Variants in CCDC178 observed in about 807,000 individuals in gnomAD.
The protein encoded by CCDC178 is coiled-coil domain containing 178.
Under a neutral mutation model 117.4 loss-of-function variants are expected in CCDC178, and 126 were observed. That is an observed-to-expected ratio of 1.07 (90% CI 0.93 to 1.24). The LOEUF (loss-of-function observed/expected upper bound fraction) is 1.24, where lower values mean the gene tolerates loss of function less well. Among genes scored for constraint, CCDC178 ranks in the 50% most tolerant of loss-of-function variants. CCDC178 has a pLI of 0.00. For missense variants in CCDC178, 1,030 were observed against 986.9 expected (o/e 1.04, Z -0.59); for synonymous variants, 283 against 313.4 (o/e 0.90, Z 1.02).
chr18:33,360,932 G>T (rs2063116535), intron 6 of CCDC178, among the ~76,000 whole-genome samples: 1 of 151,494 alleles, frequency 6.6e-6, no homozygotes, highest in Non-Finnish European at 1.5e-5. Flanking sequence ...GCAATATATA[G>T]ATTTAATGCC....
chr18:33,063,087 T>C (rs2056953150), intron 21 of CCDC178, among the ~76,000 whole-genome samples: 1 of 151,894 alleles, frequency 6.6e-6, no homozygotes, highest in Non-Finnish European at 1.5e-5. Context: ...ACTTTCAGAG[T>C]TCCTGGAAAC....
intron 20 of CCDC178, among the ~76,000 whole-genome samples, chr18:33,105,735 T>C (rs370249068): frequency 2.6e-5 from 4 of 151,686 alleles, no homozygotes; most frequent in African/African-American, 7.2e-5. Flanking sequence ...AAAAGCATTT[T>C]ACTGTGTAAT....
chr18:33,226,183 C>T (rs1228275477), intron 16 of CCDC178, among the ~76,000 whole-genome samples: 2 of 151,948 alleles, frequency 1.3e-5, no homozygotes, highest in African/African-American at 2.4e-5. Context: ...CAGAAACCCA[C>T]CAACAAACAA....
At chr18:32,952,600 G>A (rs2054511222) in intron 22 of CCDC178, among the ~76,000 whole-genome samples, 1 of 152,152 alleles carries the variant, frequency 6.6e-6, no homozygotes, top group Non-Finnish European at 1.5e-5. Flanking sequence ...CCTGTGACGG[G>A]AGGGGCTGCT....
chr18:33,140,543 C>T (rs1419848694), intron 20 of CCDC178, among the ~76,000 whole-genome samples: 1 of 152,168 alleles, frequency 6.6e-6, no homozygotes, highest in South Asian at 2.1e-4. Flanking sequence ...TACTGCCCTG[C>T]TGAATTTCAG....
At chr18:33,401,428 C>T (rs1303832663) in intron 3 of CCDC178, among the ~76,000 whole-genome samples, 2 of 151,936 alleles carry the variant, frequency 1.3e-5, no homozygotes, top group African/African-American at 4.8e-5. Context: ...TGAAACAGAC[C>T]CTGAAAAACA....
intron 7 of CCDC178, among the ~76,000 whole-genome samples, chr18:33,350,018 T>A (rs140965297): frequency 2.0e-5 from 3 of 152,054 alleles, no homozygotes; most frequent in African/African-American, 7.2e-5. Flanking sequence ...CAGAGAAATA[T>A]CCTTTATATT....
At chr18:32,969,012 C>A (rs2054872813) in intron 22 of CCDC178, among the ~76,000 whole-genome samples, 1 of 151,904 alleles carries the variant, frequency 6.6e-6, no homozygotes, top group South Asian at 2.1e-4. Context: ...GCAAAGCAAC[C>A]AGTGAATGCT....
intron 20 of CCDC178, among the ~76,000 whole-genome samples, chr18:33,145,492 T>A (rs2058257123): frequency 6.6e-6 from 1 of 152,190 alleles, no homozygotes; most frequent in Non-Finnish European, 1.5e-5. Flanking sequence ...TGAAATGTTA[T>A]CTAGTTCATC....
chr18:33,169,002 G>C (rs1157160166), intron 20 of CCDC178, among the ~76,000 whole-genome samples: 2 of 152,104 alleles, frequency 1.3e-5, no homozygotes, highest in African/African-American at 4.8e-5. Context: ...TACATTACAA[G>C]GGTAAATTTT....
chr18:33,106,185 T>C (rs1257458669), intron 20 of CCDC178, among the ~76,000 whole-genome samples: 5 of 151,590 alleles, frequency 3.3e-5, no homozygotes, highest in African/African-American at 1.2e-4. Context: ...ACAGGATTCC[T>C]CCTTTCTTTG....
At chr18:33,110,305 A>T (rs1795221799) in intron 20 of CCDC178, among the ~76,000 whole-genome samples, 2 of 151,444 alleles carry the variant, frequency 1.3e-5, no homozygotes, top group Admixed American at 6.6e-5. Context: ...ACTTTGTTGG[A>T]CATATGTATC....
chr18:33,227,529 T>C (rs890637578), intron 15 of CCDC178, among the ~76,000 whole-genome samples: 6 of 115,130 alleles, frequency 5.2e-5, no homozygotes, highest in Non-Finnish European at 3.5e-5. Context: ...AAAAGATATA[T>C]GTATGTGTGT....
At chr18:33,022,107 G>A (rs2056132830) in intron 21 of CCDC178, among the ~76,000 whole-genome samples, 1 of 152,098 alleles carries the variant, frequency 6.6e-6, no homozygotes, top group Admixed American at 6.6e-5. Flanking sequence ...CTTTTGGTAT[G>A]TTCTTCTAGT....
intron 21 of CCDC178, among the ~76,000 whole-genome samples, chr18:33,033,916 A>G (rs1441111725): frequency 6.6e-6 from 1 of 151,080 alleles, no homozygotes; most frequent in East Asian, 1.9e-4. Flanking sequence ...AGAACCCAAG[A>G]CAATATCTGT....
intron 2 of CCDC178, among the ~76,000 whole-genome samples, chr18:33,414,669 G>A (rs1025055318): frequency 6.6e-6 from 1 of 152,154 alleles, no homozygotes; most frequent in Non-Finnish European, 1.5e-5. Flanking sequence ...AACACCAAAA[G>A]CAATGGCAAC....
At position 32,937,899 on chromosome 18, in the gene CCDC178, G is replaced by T. The variant is rs1036760211; in HGVS notation, c.*112C>A. On this transcript the variant is annotated 3_prime_UTR_variant, in exon 23 of 23. Transcript: ENST00000383096. Reference sequence around the variant, plus strand: ...ATGCTGGGAGGTGAGTGAGTTTTTCGTTCATGGAAGTGTGAAATGGCAAAC... The same window carrying T: ...ATGCTGGGAGGTGAGTGAGTTTTTCTTTCATGGAAGTGTGAAATGGCAAAC... 3.3e-5 allele frequency: 26 copies of T among 791,092 alleles called. No individual in the cohort carries two copies. The highest frequency in any genetic ancestry group is 3.1e-4 in the Admixed American group (15 of 48,468). The allele number at this position is 791,092 out of a possible 1,614,324, so 49.0% of individuals were successfully genotyped here.
At chr18:33,231,517 C>T (rs1599030090) in intron 15 of CCDC178, among the ~76,000 whole-genome samples, 2 of 152,296 alleles carry the variant, frequency 1.3e-5, no homozygotes, top group Middle Eastern at 6.8e-3. Context: ...TCCAAATCTA[C>T]TGTTTTTAAC....
intron 7 of CCDC178, among the ~76,000 whole-genome samples, chr18:33,350,842 G>A (rs1038028986): frequency 5.9e-5 from 9 of 151,960 alleles, no homozygotes; most frequent in South Asian, 2.1e-4. Context: ...TTGAGGAGCC[G>A]ACAAACTGTT....
Sources: allele counts gnomAD v4.1 joint callset (sites outside exome capture counted in the v4.1 genomes callset), GRCh38; gene constraint gnomAD v4.1.1; transcripts MANE v1.5; gene names NCBI Gene and HGNC (gene_info 2026-07-23, HGNC 2026-07-21).